Variants in PSD3 observed in about 807,000 individuals in gnomAD.
The protein encoded by PSD3 is pleckstrin and Sec7 domain containing 3.
In PSD3, 49 loss-of-function variants were observed where a neutral mutation model predicts 105.5. The observed-to-expected ratio is 0.46, with a 90% CI of 0.37 to 0.59. The LOEUF (loss-of-function observed/expected upper bound fraction) is 0.59. Ranked by LOEUF, PSD3 falls within the 20% of genes least tolerant of loss-of-function variation. The probability of loss-of-function intolerance (pLI) is 0.00; values close to 1 mark genes in which losing one functional copy is unlikely to be tolerated. For missense variants in PSD3, 1,561 were observed against 1,263.8 expected (o/e 1.24, Z -3.57); for synonymous variants, 557 against 457.8 (o/e 1.22, Z -2.77).
At chr8:18,688,135 G>T (rs117409650) in intron 9 of PSD3, among the ~76,000 whole-genome samples, 1 of 152,070 alleles carries the variant, frequency 6.6e-6, no homozygotes, top group African/African-American at 2.4e-5. Flanking sequence ...CTGGAGTGCA[G>T]TGATGCCATA....
intron 4 of PSD3, among the ~76,000 whole-genome samples, chr8:18,829,276 A>G (rs938154857): frequency 1.3e-5 from 2 of 152,092 alleles, no homozygotes; most frequent in Non-Finnish European, 2.9e-5. Context: ...ATTATCTAAC[A>G]TTTAGAATTT....
chr8:18,885,006 A>G (rs1264590446), intron 2 of PSD3, among the ~76,000 whole-genome samples: 1 of 152,216 alleles, frequency 6.6e-6, no homozygotes, highest in East Asian at 1.9e-4. Flanking sequence ...ACTAAGCTGT[A>G]AGAGCTGAAT....
chr8:18,541,788 T>C (rs1211422963), intron 15 of PSD3, among the ~76,000 whole-genome samples: 1 of 151,594 alleles, frequency 6.6e-6, no homozygotes, highest in Non-Finnish European at 1.5e-5. Flanking sequence ...TTCGCTGTTG[T>C]CACCCAGGCT....
intron 11 of PSD3, among the ~76,000 whole-genome samples, chr8:18,615,691 G>T (rs937518330): frequency 6.6e-6 from 1 of 152,096 alleles, no homozygotes; most frequent in African/African-American, 2.4e-5. Context: ...TAAGAGCAGG[G>T]TGTTAAAATA....
chr8:18,688,905 T>C (rs900679765), intron 9 of PSD3, among the ~76,000 whole-genome samples: 9 of 152,178 alleles, frequency 5.9e-5, no homozygotes, highest in African/African-American at 1.9e-4. Flanking sequence ...ACAAAATAAC[T>C]TTCCACAAAA....
chr8:18,687,526 A>G, intron 9 of PSD3, among the ~76,000 whole-genome samples: 1 of 151,992 alleles, frequency 6.6e-6, no homozygotes, highest in East Asian at 1.9e-4. Flanking sequence ...TAAATACGAA[A>G]TGATTTCCCC....
At chr8:18,554,186 C>A (rs1276792952) in intron 15 of PSD3, among the ~76,000 whole-genome samples, 1 of 152,114 alleles carries the variant, frequency 6.6e-6, no homozygotes, top group Non-Finnish European at 1.5e-5. Flanking sequence ...ATCAAGGGCT[C>A]CAGCGAGGTG....
At chr8:18,936,398 T>C (rs935905030) in intron 1 of PSD3, among the ~76,000 whole-genome samples, 4 of 152,164 alleles carry the variant, frequency 2.6e-5, no homozygotes, top group African/African-American at 9.7e-5. Context: ...ATAAAAAGGA[T>C]GGCTTGATTG....
Position 18,942,908 on chromosome 8 carries a change from C to T in PSD3, c.22-6766G>A, listed in dbSNP as rs80101918. ...CTCCAGGATGACAGGTAACAAGCCC[C>T]TGCTATTCCCTTTTAATAAGCAAAA... On this transcript the variant is annotated intron_variant, in intron 1 of 15. Coordinates refer to ENST00000327040, the MANE Select transcript of PSD3 (RefSeq NM_015310.4). 8.3e-4 allele frequency among the ~76,000 whole-genome samples: 127 copies of T among 152,304 alleles called. 2 individuals are homozygous for T. In the East Asian group the frequency reaches 0.022, roughly 27 times the overall value.
chr8:18,737,410 G>A (rs1466789641), intron 9 of PSD3, among the ~76,000 whole-genome samples: 1 of 152,106 alleles, frequency 6.6e-6, no homozygotes, highest in African/African-American at 2.4e-5. Flanking sequence ...ATGCAGCCTT[G>A]GCTTCCTGGG....
At chr8:18,922,181 T>C (rs181997420) in intron 2 of PSD3, among the ~76,000 whole-genome samples, 191 of 152,210 alleles carry the variant, frequency 1.3e-3, no homozygotes, top group African/African-American at 4.3e-3. Flanking sequence ...CACCTGACAA[T>C]GAAAAAACGG....
At chr8:18,697,165 T>C (rs938097363) in intron 9 of PSD3, among the ~76,000 whole-genome samples, 9 of 152,220 alleles carry the variant, frequency 5.9e-5, no homozygotes, top group Admixed American at 2.0e-4. Context: ...CACGAGTCTT[T>C]GAAATCTGGT....
chr8:19,045,467 C>G (rs923913670), intron 1 of PSD3, among the ~76,000 whole-genome samples: 5 of 152,176 alleles, frequency 3.3e-5, no homozygotes, highest in African/African-American at 1.2e-4. Context: ...CACAGCCAAG[C>G]TTCTTTCCTG....
At chr8:18,829,754 T>TA (rs1269943475) in intron 4 of PSD3, among the ~76,000 whole-genome samples, 1 of 152,150 alleles carries the variant, frequency 6.6e-6, no homozygotes, top group African/African-American at 2.4e-5. Context: ...GGCACTTCTT[T>TA]AACTGTCTTG....
intron 12 of PSD3, among the ~76,000 whole-genome samples, chr8:18,592,556 C>A (rs1229815154): frequency 6.6e-6 from 1 of 152,012 alleles, no homozygotes; most frequent in Non-Finnish European, 1.5e-5. Flanking sequence ...GGACCAATGA[C>A]CAAATTATAA....
At chr8:18,799,179 C>CA in intron 8 of PSD3, 116 bp downstream of exon 8, 1 of 879,786 alleles carries the variant, frequency 1.1e-6, no homozygotes, top group Non-Finnish European at 1.9e-6. Context: ...ATTCACCTGC[C>CA]ATGGGAACCA....
At chr8:19,083,321 G>C (rs766200699) in intron 1 of PSD3, among the ~76,000 whole-genome samples, 1 of 152,200 alleles carries the variant, frequency 6.6e-6, no homozygotes, top group African/African-American at 2.4e-5. Flanking sequence ...TGGGTGGAGA[G>C]GGTGGGCTGC....
intron 2 of PSD3, among the ~76,000 whole-genome samples, chr8:18,912,891 T>C (rs1820327145): frequency 6.6e-6 from 1 of 151,992 alleles, no homozygotes; most frequent in Non-Finnish European, 1.5e-5. Flanking sequence ...AGAGAAACAG[T>C]TACCATGCTG....
chr8:18,969,301 A>G (rs1207959696), intron 1 of PSD3, among the ~76,000 whole-genome samples: 1 of 152,202 alleles, frequency 6.6e-6, no homozygotes, highest in Non-Finnish European at 1.5e-5. Context: ...CAAAGCACAT[A>G]TTGTCTTAAT....
Sources: allele counts gnomAD v4.1 joint callset (sites outside exome capture counted in the v4.1 genomes callset), GRCh38; gene constraint gnomAD v4.1.1; transcripts MANE v1.5; gene names NCBI Gene and HGNC (gene_info 2026-07-23, HGNC 2026-07-21).